The following PACRG variants were observed in gnomAD, a reference collection of about 807,000 sequenced individuals.
The protein encoded by PACRG is parkin coregulated gene protein.
In PACRG, 29 loss-of-function variants were observed where a neutral mutation model predicts 29.7. The observed-to-expected ratio is 0.98, with a 90% CI of 0.73 to 1.33. The LOEUF is 1.33. Among genes scored for constraint, PACRG ranks in the 40% most tolerant of loss-of-function variants. The pLI, the probability that PACRG is intolerant of heterozygous loss-of-function variation, is 0.00. For synonymous variants in PACRG, 116 were observed against 118.7 expected, an observed-to-expected ratio of 0.98 and a Z score of 0.15; for missense variants, 279 against 316.2, an observed-to-expected ratio of 0.88 and a Z score of 0.89.
At chr6:162,851,984 A>AAAGG (rs776690795) in intron 2 of PACRG, among the ~76,000 whole-genome samples, 14,251 of 112,942 alleles carry the variant, frequency 0.13, 938 homozygotes, top group Middle Eastern at 0.2. Flanking sequence ...AGAGAAAAGA[A>AAAGG]AAGGGAGGGA....
intron 1 of PACRG, among the ~76,000 whole-genome samples, chr6:162,741,564 G>T (rs568992100): frequency 2.0e-5 from 3 of 151,966 alleles, no homozygotes; most frequent in South Asian, 2.1e-4. Flanking sequence ...TGGCCTAAAG[G>T]CCCCATTCTC....
At chr6:163,044,540 G>GC (rs1809116575) in intron 2 of PACRG, 1 of 152,166 alleles carries the variant, frequency 6.6e-6, no homozygotes, top group African/African-American at 2.4e-5. Flanking sequence ...CACAAGTTGT[G>GC]ATGCTAGTTG....
chr6:162,765,925 GTTTTA>G (rs1397588315), intron 1 of PACRG, among the ~76,000 whole-genome samples: 1 of 151,996 alleles, frequency 6.6e-6, no homozygotes, highest in Non-Finnish European at 1.5e-5. Flanking sequence ...TTTTTAAGAA[GTTTTA>G]TTTTATTTTT....
intron 2 of PACRG, among the ~76,000 whole-genome samples, chr6:162,974,396 A>G (rs1801779323): frequency 6.6e-6 from 1 of 152,220 alleles, no homozygotes; most frequent in South Asian, 2.1e-4. Context: ...GAAAGCCAAT[A>G]TACAAAATAT....
At chr6:162,995,131 C>G (rs1479237125) in intron 2 of PACRG, among the ~76,000 whole-genome samples, 3 of 150,680 alleles carry the variant, frequency 2.0e-5, no homozygotes, top group African/African-American at 7.4e-5. Flanking sequence ...GGGAGAACCA[C>G]TGCTCTCTTC....
In PACRG at chr6:163,272,892, C is replaced by CTTT. The variant is rs200076248; in HGVS notation, c.614-41920_614-41918dup. On this transcript the variant is annotated intron_variant, in intron 4 of 4. Coordinates refer to ENST00000366888, the MANE Select transcript of PACRG (RefSeq NM_001080379.2). Reference sequence around the variant, plus strand: ...AAACATTTGGTAATGATGCATCATTCTTTTTTTTTTTTTTTTTGAGACGGA... The same window carrying CTTT: ...AAACATTTGGTAATGATGCATCATTCTTTTTTTTTTTTTTTTTTTTGAGACGGA... 8.2e-5 allele frequency among the ~76,000 whole-genome samples: 9 copies of CTTT among 109,466 alleles called. 1 individual carries two copies. The highest frequency in any genetic ancestry group is 2.7e-4 in the African/African-American group (7 of 26,040). The allele number at this position is 109,466 out of a possible 152,430, so 71.8% of individuals were successfully genotyped here. A position where few individuals can be genotyped will look rare whatever the true frequency, so the allele number is the denominator to read the frequency against.
Position 163,183,463 on chromosome 6 carries a change from G to A in PACRG, c.613+94055G>A, listed in dbSNP as rs188855760. 4 of 152,260 alleles carry A rather than the reference G, an allele frequency of 2.6e-5. No individual in the cohort carries two copies. The East Asian group carries it at 7.7e-4, about 29-fold the overall frequency. 9.4% of individuals were successfully genotyped at this position (152,260 alleles called of 1,614,324 possible). ...GAAGCACAAAACAGATGAAGAGTGT[G>A]TGTTGACTCTGGTTTTAGGAACTCA... On this transcript the variant is annotated intron_variant, in intron 4 of 4. Transcript: ENST00000366888.
At chr6:162,935,778 TC>T (rs1473497753) in intron 2 of PACRG, among the ~76,000 whole-genome samples, 1 of 152,198 alleles carries the variant, frequency 6.6e-6, no homozygotes, top group African/African-American at 2.4e-5. Flanking sequence ...CAGGAACATT[TC>T]TTTCTGAGAA....
chr6:163,101,515 A>C (rs927961501), intron 4 of PACRG: 2 of 695,784 alleles, frequency 2.9e-6, no homozygotes, highest in Non-Finnish European at 3.5e-6. Flanking sequence ...TGTCCTTCCA[A>C]AGTTTCTTAC....
At chr6:162,962,446 T>C (rs1339586907) in intron 2 of PACRG, among the ~76,000 whole-genome samples, 1 of 152,190 alleles carries the variant, frequency 6.6e-6, no homozygotes, top group Non-Finnish European at 1.5e-5. Flanking sequence ...TGCCCCCAGA[T>C]TCACACCTTG....
intron 3 of PACRG, among the ~76,000 whole-genome samples, chr6:163,065,240 G>A (rs528738980): frequency 6.6e-6 from 1 of 152,276 alleles, no homozygotes; most frequent in South Asian, 2.1e-4. Flanking sequence ...GACATAAAGT[G>A]CTCAGGGTTG....
chr6:163,113,349 G>A (rs1815813255), intron 4 of PACRG, among the ~76,000 whole-genome samples: 1 of 152,144 alleles, frequency 6.6e-6, no homozygotes, highest in African/African-American at 2.4e-5. Flanking sequence ...AGAAATAATG[G>A]CTGAAAACTT....
At chr6:163,312,817 A>T (rs1010672087) in intron 4 of PACRG, 1 of 431,780 alleles carries the variant, frequency 2.3e-6, no homozygotes, top group African/African-American at 2.1e-5. Context: ...CAGTGGCGCG[A>T]TCATGGCTCG....
chr6:162,880,517 C>T (rs954670666), intron 2 of PACRG, among the ~76,000 whole-genome samples: 1 of 152,144 alleles, frequency 6.6e-6, no homozygotes, highest in Non-Finnish European at 1.5e-5. Flanking sequence ...TTTTGAATAT[C>T]TGAGGTAGAT....
chr6:162,908,882 G>A (rs1277674021), intron 2 of PACRG, among the ~76,000 whole-genome samples: 1 of 152,026 alleles, frequency 6.6e-6, no homozygotes, highest in Non-Finnish European at 1.5e-5. Flanking sequence ...GAAGCTGGGT[G>A]GGCATATCAA....
At chr6:162,849,594 G>C (rs966844647) in intron 2 of PACRG, among the ~76,000 whole-genome samples, 1 of 152,184 alleles carries the variant, frequency 6.6e-6, no homozygotes, top group African/African-American at 2.4e-5. Context: ...TAACAGAATA[G>C]TTCCTGTCTG....
chr6:163,230,469 T>G (rs1781978161), intron 4 of PACRG, among the ~76,000 whole-genome samples: 1 of 151,880 alleles, frequency 6.6e-6, no homozygotes, highest in African/African-American at 2.4e-5. Flanking sequence ...CCTCCTATTT[T>G]AAGTTCCAGG....
chr6:163,114,397 C>T (rs1005115267), intron 4 of PACRG, among the ~76,000 whole-genome samples: 2 of 151,846 alleles, frequency 1.3e-5, no homozygotes, highest in South Asian at 4.2e-4. Flanking sequence ...CTTAGGGTGA[C>T]CACAAAGAAA....
chr6:162,917,075 C>A lies in PACRG; in HGVS notation c.291+102794C>A, dbSNP rs189831153. Among the ~76,000 whole-genome samples, 4 of 152,264 alleles carry A rather than the reference C, an allele frequency of 2.6e-5. No homozygotes were observed. The East Asian group carries it at 7.7e-4, about 29-fold the overall frequency. ...TGGAGTCTGGGCCTTGCAAGTTGTG[C>A]TGTAGCTTTGCTTCGAGTCTCACAT... On this transcript the variant is annotated intron_variant, in intron 2 of 4. Transcript: ENST00000366888.
Sources: gnomAD v4.1 joint callset for allele counts (sites outside exome capture counted in the v4.1 genomes callset) on GRCh38, gnomAD v4.1.1 for gene constraint, MANE v1.5 for transcripts, NCBI Gene and HGNC (gene_info 2026-07-23, HGNC 2026-07-21) for gene names.